TRAPPC13: variants seen among roughly 807,000 people sequenced by gnomAD.
TRAPPC13 encodes the protein REV7-interacting novel NHEJ regulator 1.
Under a neutral mutation model 54.0 loss-of-function variants are expected in TRAPPC13, and 39 were observed. The observed-to-expected ratio is 0.72, with a 90% CI of 0.56 to 0.94. The LOEUF (loss-of-function observed/expected upper bound fraction) is 0.94. TRAPPC13 is among the 40% of genes least tolerant of loss of function. TRAPPC13 has a pLI of 0.00. For synonymous variants in TRAPPC13, 148 were observed against 167.7 expected, an observed-to-expected ratio of 0.88 and a Z score of 0.91; for missense variants, 386 against 488.1, an observed-to-expected ratio of 0.79 and a Z score of 1.97.
At chr5:65,650,408 C>T (rs541840846) in intron 5 of TRAPPC13, among the ~76,000 whole-genome samples, 9 of 152,138 alleles carry the variant, frequency 5.9e-5, no homozygotes, top group African/African-American at 2.2e-4. Flanking sequence ...GTGATCCGCC[C>T]GCCTTGACCT....
intron 11 of TRAPPC13, chr5:65,662,920 T>C (rs749883222): frequency 6.6e-5 from 10 of 152,168 alleles, no homozygotes; most frequent in Non-Finnish European, 1.5e-4. Context: ...TTCTCCATCA[T>C]AGAAAATTTT....
At chr5:65,658,291 A>G in intron 8 of TRAPPC13, 77 bp from the exon 9 acceptor site, 3 of 1,390,200 alleles carry the variant, frequency 2.2e-6, no homozygotes, top group Non-Finnish European at 2.9e-6. Flanking sequence ...TTTTCTTCAT[A>G]TAGATAAGAT....
intron 1 of TRAPPC13, among the ~76,000 whole-genome samples, chr5:65,627,454 A>AC (rs1755295631): frequency 6.6e-6 from 1 of 151,840 alleles, no homozygotes; most frequent in Non-Finnish European, 1.5e-5. Context: ...ACATTATGAA[A>AC]CCCCGTCTCT....
chr5:65,664,275 C>A lies in TRAPPC13; in HGVS notation c.1037C>A (p.Thr346Asn), dbSNP rs182838774. Residue 346 changes from threonine to asparagine, a missense_variant, in exon 12 of 13, where the codon ACC becomes AAC. Physicochemically the swap from Thr to Asn is moderately conservative, Grantham distance 65 (BLOSUM62 0). Coordinates refer to ENST00000399438, the MANE Select transcript of TRAPPC13 (RefSeq NM_024941.4). The part of the protein sequence containing the change: ...TMDLVLEMCN[T>N]NSIHWCGISG... ...GATCTGGTTTTGGAAATGTGCAATA[C>A]CAATTCCATCCACTGGTGTGGAATT... 3.7e-6 allele frequency: 6 copies of A among 1,613,840 alleles called. No individual in the cohort carries two copies. Among genetic ancestry groups the A allele is most frequent in the Middle Eastern group, 3.3e-4 (2 of 6,060 alleles).
intron 4 of TRAPPC13, among the ~76,000 whole-genome samples, chr5:65,638,564 G>A (rs152068): frequency 0.6 from 90,645 of 152,058 alleles, 27,394 homozygotes; most frequent in South Asian, 0.64. Flanking sequence ...GTAAGAGTCC[G>A]TAAGGTGGTA....
chr5:65,662,086 G>A lies in TRAPPC13; in HGVS notation c.934G>A (p.Ala312Thr). ...GYGDVRLSLE[A>T]IPDTVNLEEP... ...TGGAGATGTTAGGTTGTCTTTGGAG[G>A]CAATACCAGATACCGTAAACCTTGA... is the stretch of plus-strand genomic sequence containing the variant. The change falls in exon 11 of 13, where the codon GCA becomes ACA. Residue 312 changes from alanine to threonine, a missense_variant. Transcript: ENST00000399438. 6.2e-7 allele frequency: 1 copy of A among 1,608,642 alleles called. No homozygotes were observed. The highest frequency in any genetic ancestry group is 1.1e-5 in the South Asian group (1 of 90,374).
In TRAPPC13 at chr5:65,630,381, T is replaced by C. The variant is rs910433464; in HGVS notation, c.47-4920T>C. 12 of 1,440,800 alleles carry C rather than the reference T, an allele frequency of 8.3e-6. No individual in the cohort carries two copies. In the East Asian group the frequency reaches 1.5e-4, roughly 18 times the overall value. 89.3% of individuals were successfully genotyped at this position (1,440,800 alleles called of 1,614,324 possible). Reference sequence around the variant, plus strand: ...GTCAAAAAGAATATTCTGAATGAAATGAATATGGATTGAAATAGATAAAAT... The same window carrying C: ...GTCAAAAAGAATATTCTGAATGAAACGAATATGGATTGAAATAGATAAAAT... On this transcript the variant is annotated intron_variant, in intron 1 of 12. Coordinates refer to ENST00000399438, the MANE Select transcript of TRAPPC13 (RefSeq NM_024941.4).
intron 7 of TRAPPC13, among the ~76,000 whole-genome samples, chr5:65,654,648 T>G (rs1756582854): frequency 6.6e-6 from 1 of 152,190 alleles, no homozygotes; most frequent in Admixed American, 6.6e-5. Context: ...CTGTAGTCCT[T>G]TTACAGTTAA....
chr5:65,637,772 T>C lies in TRAPPC13; in HGVS notation c.292T>C (p.Leu98=), dbSNP rs1223737529. Residue 98 remains leucine (L), a synonymous_variant, in exon 4 of 13, where the codon TTA becomes CTA. Transcript: ENST00000399438. The stretch of plus-strand genomic sequence containing the variant: ...TAGCAATCAAGTTGTAAAAGACATA[T>C]TAGTAAAAGTAAGTAACATTCTTAC... The part of the protein sequence containing the change: ...NDSNQVVKDI[L]VKADLQTSSQ... 6.4e-7 allele frequency: 1 copy of C among 1,550,568 alleles called. No individual in the cohort carries two copies. Among genetic ancestry groups the C allele is most frequent in the Non-Finnish European group, 8.8e-7 (1 of 1,140,918 alleles).
At chr5:65,659,971 A>C (rs1420540006) in intron 9 of TRAPPC13, among the ~76,000 whole-genome samples, 4 of 117,954 alleles carry the variant, frequency 3.4e-5, no homozygotes, top group Non-Finnish European at 7.0e-5. Context: ...TTTAAACAAA[A>C]AAAAAAAAAA....
At chr5:65,643,142 AGCTTTTTAGGGGGAAAG>A (rs1047262164) in intron 4 of TRAPPC13, among the ~76,000 whole-genome samples, 3 of 151,838 alleles carry the variant, frequency 2.0e-5, no homozygotes, top group Non-Finnish European at 4.4e-5. Context: ...TTAATGGAAA[AGCTTTTTAGGGGGAAAG>A]GCTTTTTTTT....
intron 7 of TRAPPC13, among the ~76,000 whole-genome samples, chr5:65,653,077 T>C (rs902144967): frequency 3.7e-5 from 5 of 134,314 alleles, no homozygotes; most frequent in Non-Finnish European, 7.8e-5. Flanking sequence ...AAGTAACTTA[T>C]AATAGAAGAT....
At position 65,665,872 on chromosome 5, in the gene TRAPPC13, C is replaced by G. The variant is rs1308485429; in HGVS notation, c.*1261C>G. The G allele has an allele frequency of 6.6e-6, 1 of 152,444 alleles. No individual in the cohort carries two copies. Among genetic ancestry groups the G allele is most frequent in the Non-Finnish European group, 1.5e-5 (1 of 67,986 alleles). The allele number at this position is 152,444 out of a possible 1,614,324, so 9.4% of individuals were successfully genotyped here. On this transcript the variant is annotated 3_prime_UTR_variant, in exon 13 of 13. Coordinates refer to ENST00000399438, the MANE Select transcript of TRAPPC13 (RefSeq NM_024941.4). ...TATTCTATTTTGGTAAGTTGAAATT[C>G]AAGAATGTATATATAATTTCTTAAA...
chr5:65,658,217 T>C lies in TRAPPC13; in HGVS notation c.565-151T>C, dbSNP rs867655034. On this transcript the variant is annotated intron_variant, in intron 8 of 12. Coordinates refer to ENST00000399438, the MANE Select transcript of TRAPPC13 (RefSeq NM_024941.4). Reference sequence around the variant, plus strand: ...ATTATGATAGGGTGAAGATTTCTTTTCTTGCATTAATTGTGGTAACTTTGA... The same window carrying C: ...ATTATGATAGGGTGAAGATTTCTTTCCTTGCATTAATTGTGGTAACTTTGA... 7.6e-5 allele frequency: 50 copies of C among 661,138 alleles called. No homozygotes were observed. In the African/African-American group the frequency reaches 8.1e-4, roughly 11 times the overall value. The allele number at this position is 661,138 out of a possible 1,614,324, so 41.0% of individuals were successfully genotyped here.
In TRAPPC13 at chr5:65,664,219, T is replaced by C. The variant is rs2150696179; in HGVS notation, c.999-18T>C. On this transcript the variant is annotated intron_variant, in intron 11 of 12. Coordinates refer to ENST00000399438, the MANE Select transcript of TRAPPC13 (RefSeq NM_024941.4). ...AAATGAACAAGATTTATTCCTATTA[T>C]TCTGATTCCTCCAGCAGTGAAAGGA... 1 of 1,610,642 alleles carries C rather than the reference T, an allele frequency of 6.2e-7. No individual in the cohort carries two copies. The highest frequency in any genetic ancestry group is 8.5e-7 in the Non-Finnish European group (1 of 1,178,328).
At chr5:65,629,710 G>C (rs1206923505) in intron 1 of TRAPPC13, 1 of 1,535,922 alleles carries the variant, frequency 6.5e-7, no homozygotes, top group East Asian at 2.4e-5. Flanking sequence ...TTATACCTTG[G>C]TTTCCATATG....
chr5:65,643,463 C>T (rs1451431293), intron 4 of TRAPPC13, among the ~76,000 whole-genome samples: 1 of 151,892 alleles, frequency 6.6e-6, no homozygotes, highest in Non-Finnish European at 1.5e-5. Flanking sequence ...GCATGTTTGT[C>T]TCATATTACT....
chr5:65,648,603 C>T (rs1756298465), intron 5 of TRAPPC13, among the ~76,000 whole-genome samples: 1 of 152,122 alleles, frequency 6.6e-6, no homozygotes, highest in Admixed American at 6.5e-5. Flanking sequence ...CTCTACCTTG[C>T]TATACTATTC....
chr5:65,661,971 A>G, intron 10 of TRAPPC13, 79 bp from the exon 11 acceptor site: 1 of 936,030 alleles, frequency 1.1e-6, no homozygotes. Context: ...TGTTGAGTAA[A>G]TGTGCTGCTG....
Sources: allele counts gnomAD v4.1 joint callset (sites outside exome capture counted in the v4.1 genomes callset), GRCh38; gene constraint gnomAD v4.1.1; transcripts MANE v1.5; gene names NCBI Gene and HGNC (gene_info 2026-07-23, HGNC 2026-07-21).